CWC27: variants seen among roughly 807,000 people sequenced by gnomAD.
CWC27 encodes the protein spliceosome-associated protein CWC27 homolog.
Under a neutral mutation model 63.6 loss-of-function variants are expected in CWC27, and 47 were observed. The observed-to-expected ratio is 0.74, with a 90% CI of 0.58 to 0.94. The LOEUF (loss-of-function observed/expected upper bound fraction) is 0.94. CWC27 is among the 40% of genes least tolerant of loss of function. The pLI, the probability that CWC27 is intolerant of heterozygous loss-of-function variation, is 0.00. For synonymous variants in CWC27, 175 were observed against 179.8 expected (o/e 0.97, Z 0.22); for missense variants, 495 against 554.3 (o/e 0.89, Z 1.07).
chr5:64,796,306 A>G (rs907579914), intron 7 of CWC27, among the ~76,000 whole-genome samples: 4 of 152,132 alleles, frequency 2.6e-5, no homozygotes, highest in Non-Finnish European at 5.9e-5. Context: ...CTCTTTATTT[A>G]TAGGAATTGG....
At chr5:64,792,368 G>A (rs1203529371) in intron 7 of CWC27, among the ~76,000 whole-genome samples, 2 of 152,110 alleles carry the variant, frequency 1.3e-5, no homozygotes, top group African/African-American at 4.8e-5. Flanking sequence ...AGATATGAAT[G>A]ATTTGCTGCT....
chr5:64,906,154 C>G (rs967547434), intron 11 of CWC27, among the ~76,000 whole-genome samples: 1 of 152,052 alleles, frequency 6.6e-6, no homozygotes, highest in Non-Finnish European at 1.5e-5. Flanking sequence ...GTGCATGTGT[C>G]TTTATAGTAG....
intron 11 of CWC27, among the ~76,000 whole-genome samples, chr5:64,933,825 G>T (rs2112405382): frequency 6.6e-6 from 1 of 152,080 alleles, no homozygotes; most frequent in South Asian, 2.1e-4. Context: ...CTATTTGAAG[G>T]TACCTTAGTG....
chr5:64,867,938 TGGG>T lies in CWC27; in HGVS notation c.939-17497_939-17495del, dbSNP rs34263129. On this transcript the variant is annotated intron_variant, in intron 10 of 13. Coordinates refer to ENST00000381070, the MANE Select transcript of CWC27 (RefSeq NM_005869.4). The stretch of plus-strand genomic sequence containing the variant: ...ATTTGTTGTCAATCTTTGTTGTGTT[TGGG>T]GGGGGGGCTGTTGTTGTTGTTGTTG... 8.1e-5 allele frequency among the ~76,000 whole-genome samples: 12 copies of T among 148,644 alleles called. No individual in the cohort carries two copies. The South Asian group carries it at 1.3e-3, about 16-fold the overall frequency.
chr5:64,924,642 C>T (rs1470507396), intron 11 of CWC27, among the ~76,000 whole-genome samples: 2 of 152,154 alleles, frequency 1.3e-5, no homozygotes, highest in African/African-American at 2.4e-5. Flanking sequence ...CCAACTAGTT[C>T]ATATTTCCAA....
intron 10 of CWC27, among the ~76,000 whole-genome samples, chr5:64,864,434 A>G (rs1361754158): frequency 6.6e-6 from 1 of 152,122 alleles, no homozygotes; most frequent in Non-Finnish European, 1.5e-5. Flanking sequence ...TTTGCCTTCA[A>G]ACTACCTTGG....
At chr5:64,941,171 T>C (rs926766137) in intron 11 of CWC27, among the ~76,000 whole-genome samples, 2 of 152,190 alleles carry the variant, frequency 1.3e-5, no homozygotes, top group African/African-American at 2.4e-5. Context: ...GTTTATATTA[T>C]AGTTTATTTC....
At chr5:64,867,937 TTG>T (rs969246201) in intron 10 of CWC27, among the ~76,000 whole-genome samples, 1 of 120,060 alleles carries the variant, frequency 8.3e-6, no homozygotes, top group African/African-American at 3.6e-5. Flanking sequence ...TTTGTTGTGT[TTG>T]GGGGGGGGGC....
chr5:64,889,788 G>T (rs950783083), intron 11 of CWC27, among the ~76,000 whole-genome samples: 1 of 152,176 alleles, frequency 6.6e-6, no homozygotes, highest in African/African-American at 2.4e-5. Context: ...GAGATGTACT[G>T]CAGGACAATC....
chr5:64,842,932 C>A (rs940910747), intron 10 of CWC27, among the ~76,000 whole-genome samples: 6 of 152,112 alleles, frequency 3.9e-5, no homozygotes, highest in Non-Finnish European at 5.9e-5. Flanking sequence ...TCTCAAGATT[C>A]TTTTGCCAAT....
chr5:64,971,421 G>T (rs1434583259), intron 11 of CWC27, among the ~76,000 whole-genome samples: 1 of 152,104 alleles, frequency 6.6e-6, no homozygotes, highest in East Asian at 1.9e-4. Context: ...TGAGATAGAT[G>T]ATTTTATAAT....
chr5:64,921,044 T>C (rs1358286700), intron 11 of CWC27, among the ~76,000 whole-genome samples: 1 of 152,178 alleles, frequency 6.6e-6, no homozygotes. Flanking sequence ...CGTTATGAAT[T>C]TGAGATCTTT....
chr5:64,958,269 G>A (rs1471055462), intron 11 of CWC27, among the ~76,000 whole-genome samples: 1 of 152,100 alleles, frequency 6.6e-6, no homozygotes, highest in Non-Finnish European at 1.5e-5. Context: ...AAGCATATGT[G>A]CAGTGAGAAC....
At chr5:64,833,489 G>A (rs1745582766) in intron 10 of CWC27, among the ~76,000 whole-genome samples, 1 of 151,670 alleles carries the variant, frequency 6.6e-6, no homozygotes, top group African/African-American at 2.4e-5. Context: ...TCCTTGAGAG[G>A]TATTTGGTGT....
intron 10 of CWC27, among the ~76,000 whole-genome samples, chr5:64,875,513 T>C (rs1249020465): frequency 6.6e-6 from 1 of 152,174 alleles, no homozygotes; most frequent in African/African-American, 2.4e-5. Context: ...TAAGTATGTA[T>C]GCATTTCTTT....
rs1744443948 is a variant in CWC27, at chr5:64,800,296, C to G, written c.718C>G (p.Pro240Ala). ...TAGTCATGACTTGCTTAAGGATGAT[C>G]CACATCTCAGTTCTGTTCCAGTTGT... ...KSSHDLLKDDPHLSSVPVVES... is the reference protein window; with the variant it reads ...KSSHDLLKDDAHLSSVPVVES... Residue 240 changes from proline (P) to alanine (A), a missense_variant, in exon 8 of 14, where the codon CCA (proline) becomes GCA (alanine). Pro to Ala is a conservative substitution (Grantham distance 27). Around this residue, in one of 3 missense-constraint regions of CWC27, gnomAD observed 463 missense variants for 498.1 expected, o/e 0.93. Coordinates refer to ENST00000381070, the MANE Select transcript of CWC27 (RefSeq NM_005869.4). 1 of 1,612,098 alleles carries G rather than the reference C, an allele frequency of 6.2e-7. No homozygotes were observed. Among genetic ancestry groups the G allele is most frequent in the East Asian group, 2.2e-5 (1 of 44,736 alleles).
intron 11 of CWC27, among the ~76,000 whole-genome samples, chr5:64,906,559 T>A (rs1747645731): frequency 1.3e-5 from 2 of 152,226 alleles, no homozygotes. Flanking sequence ...CTTTGTAGAT[T>A]CTGGATATTA....
chr5:65,005,302 A>G (rs1341404446), intron 13 of CWC27, among the ~76,000 whole-genome samples: 1 of 152,022 alleles, frequency 6.6e-6, no homozygotes, highest in Non-Finnish European at 1.5e-5. Context: ...TCCAGATGGT[A>G]CTTGCAGGCA....
chr5:65,002,982 AAT>A (rs1749759097), intron 13 of CWC27, among the ~76,000 whole-genome samples: 1 of 152,196 alleles, frequency 6.6e-6, no homozygotes, highest in South Asian at 2.1e-4. Context: ...GTTGGGTACA[AAT>A]ATGTTTAGAA....
Sources: gnomAD v4.1 joint callset for allele counts (sites outside exome capture counted in the v4.1 genomes callset) on GRCh38, gnomAD v4.1.1 for gene constraint, gnomAD v4.1.1 regional missense constraint, MANE v1.5 for transcripts, NCBI Gene and HGNC (gene_info 2026-07-23, HGNC 2026-07-21) for gene names.